INSL5: variants seen among roughly 807,000 people sequenced by gnomAD.
INSL5 encodes insulin-like peptide INSL5.
Under a neutral mutation model 4.3 loss-of-function variants are expected in INSL5, and 3 were observed. The ratio of observed to expected loss-of-function variants is 0.70; its 90% CI spans 0.32 to 1.82. INSL5 has a LOEUF of 1.82. INSL5 is among the 40% of genes most tolerant of loss of function. INSL5 has a pLI of 0.08. For missense variants in INSL5, 168 were observed against 160.9 expected (o/e 1.04, Z -0.24); for synonymous variants, 68 against 56.6 (o/e 1.20, Z -0.90).
chr1:66,801,219 CATT>C lies in INSL5; in HGVS notation c.-1_2del, dbSNP rs1557882462. 6.2e-7 allele frequency: 1 copy of C among 1,611,136 alleles called. No homozygotes were observed. Among genetic ancestry groups the C allele is most frequent in the Non-Finnish European group, 8.5e-7 (1 of 1,178,134 alleles). On this transcript the variant is annotated start_lost and 5_prime_UTR_variant, in exon 1 of 2. Coordinates refer to ENST00000304526, the MANE Select transcript of INSL5 (RefSeq NM_005478.6). The stretch of plus-strand genomic sequence containing the variant: ...AAAACAGAGTGAAAATGGAGCCCTT[CATT>C]TTGCTGAGGACTGAATGTGAATCTG...
In INSL5 at chr1:66,801,268, T is replaced by A; in HGVS notation, c.-47A>T. On this transcript the variant is annotated 5_prime_UTR_variant, in exon 1 of 2. Coordinates refer to ENST00000304526, the MANE Select transcript of INSL5 (RefSeq NM_005478.6). ...ATCTGATATGGTAAATATAGTCAAA[T>A]CAAATTCTGGAGTGACTGTCACTCT... The A allele has an allele frequency of 6.9e-7, 1 of 1,447,044 alleles. No homozygotes were observed. The highest frequency in any genetic ancestry group is 2.3e-5 in the East Asian group (1 of 43,420). The allele number at this position is 1,447,044 out of a possible 1,614,324, so 89.6% of individuals were successfully genotyped here.
intron 1 of INSL5, among the ~76,000 whole-genome samples, chr1:66,800,767 A>G (rs1645370226): frequency 6.6e-6 from 1 of 152,178 alleles, no homozygotes; most frequent in Non-Finnish European, 1.5e-5. Flanking sequence ...CCTCCAAAGT[A>G]CCTTCCACAG....
rs752257034 is a variant in INSL5 at position 66,801,180 on chromosome 1, T to C, written c.42A>G (p.Leu14=). The change falls in exon 1 of 2, where the codon CTA becomes CTG. Residue 14 remains leucine, a synonymous_variant. Coordinates refer to ENST00000304526, the MANE Select transcript of INSL5 (RefSeq NM_005478.6). ...TGCTCCGCACTTCTGAGATGGCAAA[T>C]AGGACAGAGAATAAAAACAGAGTGA... ...SIFTLFLFSV[L]FAISEVRSKE... is the part of the protein sequence containing the mutation. The C allele has an allele frequency of 2.0e-5, 32 of 1,613,602 alleles. No homozygotes were observed. Among genetic ancestry groups the C allele is most frequent in the Non-Finnish European group, 2.7e-5 (32 of 1,179,594 alleles).
chr1:66,799,857 T>C (rs1645363511), intron 1 of INSL5, among the ~76,000 whole-genome samples: 1 of 152,098 alleles, frequency 6.6e-6, no homozygotes, highest in African/African-American at 2.4e-5. Flanking sequence ...GAGACCAGCC[T>C]GGGCAACATT....
chr1:66,800,261 T>G lies in INSL5; in HGVS notation c.175+786A>C, dbSNP rs140478853. Among the ~76,000 whole-genome samples, 313 of 152,232 alleles carry G rather than the reference T, an allele frequency of 2.1e-3. 2 individuals carry two copies. Among genetic ancestry groups the G allele is most frequent in the African/African-American group, 7.1e-3 (295 of 41,538 alleles). ...ATCCTGATCAGACAATTCCTACTAC[T>G]AGAATTCCCACCCTGCTTCCCCACC... is the stretch of plus-strand genomic sequence containing the variant. On this transcript the variant is annotated intron_variant, in intron 1 of 1. Transcript: ENST00000304526.
rs1160362433 is a variant in INSL5 at position 66,799,288 on chromosome 1, AC to A, written c.176-1044del. Among the ~76,000 whole-genome samples the A allele has an allele frequency of 8.5e-5, 13 of 152,334 alleles. No homozygotes were observed. In the East Asian group the frequency reaches 1.7e-3, roughly 20 times the overall value. On this transcript the variant is annotated intron_variant, in intron 1 of 1. Coordinates refer to ENST00000304526, the MANE Select transcript of INSL5 (RefSeq NM_005478.6). ...TATGTAATCACATTTTTCCTTTTTA[AC>A]TTTTTAGTATAAAACATAGCAAATA...
rs776128153 is a variant in INSL5 at position 66,801,203 on chromosome 1, T to A, written c.19A>T (p.Thr7Ser). The change falls in exon 1 of 2, where the codon ACT becomes TCT. Residue 7 changes from threonine to serine, a missense_variant. Physicochemically the swap from Thr to Ser is moderately conservative, Grantham distance 58. Transcript: ENST00000304526. MKGSIF[T>S]LFLFSVLFAI... ...AATAGGACAGAGAATAAAAACAGAG[T>A]GAAAATGGAGCCCTTCATTTTGCTG... 1 of 1,612,876 alleles carries A rather than the reference T, an allele frequency of 6.2e-7. No homozygotes were observed. Among genetic ancestry groups the A allele is most frequent in the African/African-American group, 1.3e-5 (1 of 74,870 alleles).
chr1:66,800,589 G>C (rs184654542), intron 1 of INSL5, among the ~76,000 whole-genome samples: 6 of 152,254 alleles, frequency 3.9e-5, no homozygotes, highest in African/African-American at 1.4e-4. Context: ...ATGAAATGTT[G>C]CACATGTAAC....
chr1:66,800,831 A>G (rs1645370544), intron 1 of INSL5, among the ~76,000 whole-genome samples: 1 of 152,200 alleles, frequency 6.6e-6, no homozygotes, highest in Admixed American at 6.5e-5. Flanking sequence ...GCAGGGGACT[A>G]AAAAATGAGG....
intron 1 of INSL5, among the ~76,000 whole-genome samples, chr1:66,800,190 C>T (rs566257575): frequency 2.0e-5 from 3 of 151,872 alleles, no homozygotes; most frequent in Admixed American, 6.6e-5. Context: ...TGAAGTCAGC[C>T]GCTTCACCGT....
intron 1 of INSL5, among the ~76,000 whole-genome samples, chr1:66,800,083 T>G (rs1310693895): frequency 4.6e-5 from 7 of 152,134 alleles, no homozygotes; most frequent in South Asian, 2.1e-4. Flanking sequence ...AAAATAGGAT[T>G]TTAAATAAAT....
At chr1:66,800,031 CCT>C (rs1282784454) in intron 1 of INSL5, among the ~76,000 whole-genome samples, 1 of 151,724 alleles carries the variant, frequency 6.6e-6, no homozygotes, top group Non-Finnish European at 1.5e-5. Flanking sequence ...AGGGCAAGAC[CCT>C]GTCTCCAATC....
chr1:66,797,894 T>A lies in INSL5; in HGVS notation c.*119A>T. Reference sequence around the variant, plus strand: ...TCAGCTATACCTTTTAGAAAAGAAGTTTTGCCTACCCAAAAGCCATCATTT... The same window carrying A: ...TCAGCTATACCTTTTAGAAAAGAAGATTTGCCTACCCAAAAGCCATCATTT... On this transcript the variant is annotated 3_prime_UTR_variant, in exon 2 of 2. Coordinates refer to ENST00000304526, the MANE Select transcript of INSL5 (RefSeq NM_005478.6). 1.4e-6 allele frequency: 1 copy of A among 704,670 alleles called. No individual in the cohort carries two copies. The highest frequency in any genetic ancestry group is 2.7e-5 in the East Asian group (1 of 36,934). The allele number at this position is 704,670 out of a possible 1,614,324, so 43.7% of individuals were successfully genotyped here.
At chr1:66,800,485 C>T (rs1257886885) in intron 1 of INSL5, among the ~76,000 whole-genome samples, 1 of 152,082 alleles carries the variant, frequency 6.6e-6, no homozygotes, top group Non-Finnish European at 1.5e-5. Context: ...TACCTAACCA[C>T]ATTTTCACCA....
At chr1:66,799,863 A>G (rs72671650) in intron 1 of INSL5, among the ~76,000 whole-genome samples, 17,611 of 152,114 alleles carry the variant, frequency 0.12, 1,402 homozygotes, top group East Asian at 0.31. Flanking sequence ...AGCCTGGGCA[A>G]CATTGCAAGA....
chr1:66,800,950 G>C (rs1645371890), intron 1 of INSL5, 97 bp downstream of exon 1: 3 of 919,852 alleles, frequency 3.3e-6, no homozygotes, highest in Non-Finnish European at 4.9e-6. Context: ...ACAGTACTTA[G>C]AGAAACACTT....
intron 1 of INSL5, among the ~76,000 whole-genome samples, chr1:66,800,565 T>C (rs530061115): frequency 6.8e-6 from 1 of 146,908 alleles, no homozygotes; most frequent in Non-Finnish European, 1.6e-5. Context: ...CCAGGATCCT[T>C]ATCAGAAAGC....
rs1367661619 is a variant in INSL5 at position 66,798,050 on chromosome 1, T to C, written c.371A>G (p.Asp124Gly). ...RQDLQTLCCT[D>G]GCSMTDLSAL... ...ACTCAAATCAGTCATGGAACAGCCA[T>C]CAGTGCAACACAAAGTTTGTAAATC... Residue 124 changes from aspartate to glycine, a missense_variant, in exon 2 of 2, where the codon GAT (aspartate) becomes GGT (glycine). Coordinates refer to ENST00000304526, the MANE Select transcript of INSL5 (RefSeq NM_005478.6). 1 of 1,614,092 alleles carries C rather than the reference T, an allele frequency of 6.2e-7. No homozygotes were observed. Among genetic ancestry groups the C allele is most frequent in the Non-Finnish European group, 8.5e-7 (1 of 1,179,978 alleles).
intron 1 of INSL5, 66 bp downstream of exon 1, chr1:66,800,981 C>A: frequency 8.1e-7 from 1 of 1,237,204 alleles, no homozygotes; most frequent in South Asian, 1.5e-5. Flanking sequence ...TGGTTTAAAA[C>A]ACAGCTTGAA....
Sources: gnomAD v4.1 joint callset for allele counts (sites outside exome capture counted in the v4.1 genomes callset) on GRCh38, gnomAD v4.1.1 for gene constraint, MANE v1.5 for transcripts, NCBI Gene and HGNC (gene_info 2026-07-23, HGNC 2026-07-21) for gene names.